Variants in PPP2R1B observed in about 807,000 individuals in gnomAD.
PPP2R1B encodes the protein protein phosphatase 2 scaffold subunit Abeta, also known as serine/threonine-protein phosphatase 2A 65 kDa regulatory subunit A beta isoform.
In PPP2R1B, 58 loss-of-function variants were observed where a neutral mutation model predicts 72.7. The ratio of observed to expected loss-of-function variants is 0.80; its 90% confidence interval spans 0.65 to 0.99. The LOEUF (loss-of-function observed/expected upper bound fraction) is 0.99. Among genes scored for constraint, PPP2R1B ranks in the 50% least tolerant of loss-of-function variants. PPP2R1B has a pLI of 0.00. For synonymous variants in PPP2R1B, 256 were observed against 264.6 expected (o/e 0.97, Z 0.32); for missense variants, 695 against 733.6 (o/e 0.95, Z 0.61).
At chr11:111,759,702 A>C in intron 5 of PPP2R1B, 102 bp downstream of exon 5, 1 of 1,319,672 alleles carries the variant, frequency 7.6e-7, no homozygotes, top group Non-Finnish European at 1.0e-6. Flanking sequence ...CTAATTCTGT[A>C]AAAAGAATCC....
In PPP2R1B at chr11:111,740,267, G is replaced by C. The variant is rs1944474245; in HGVS notation, c.*1329C>G. The C allele has an allele frequency of 1.3e-5, 13 of 963,660 alleles. 1 individual carries two copies. The South Asian group carries it at 2.9e-4, about 21-fold the overall frequency. 59.7% of individuals were successfully genotyped at this position (963,660 alleles called of 1,614,324 possible). On this transcript the variant is annotated 3_prime_UTR_variant, in exon 15 of 15. Coordinates refer to ENST00000527614, the MANE Select transcript of PPP2R1B (RefSeq NM_002716.5). ...GACTCTCGCTCTATGGCCCAGGCTA[G>C]AGTGCAGTGGCGCGATCTCGGCTCA... is the stretch of plus-strand genomic sequence containing the variant.
intron 9 of PPP2R1B, 111 bp downstream of exon 9, chr11:111,753,332 G>A (rs1944981317): frequency 7.2e-7 from 1 of 1,386,812 alleles, no homozygotes; most frequent in East Asian, 2.4e-5. Flanking sequence ...AATAAGTTAT[G>A]ATTTTTTTAT....
chr11:111,750,633 G>A (rs1555047568), intron 10 of PPP2R1B, among the ~76,000 whole-genome samples: 1 of 152,088 alleles, frequency 6.6e-6, no homozygotes, highest in Non-Finnish European at 1.5e-5. Flanking sequence ...TACCAACAGA[G>A]ATGAAGGTAC....
chr11:111,688,972 A>T, the PPP2R1B span, among the ~76,000 whole-genome samples: 3 of 152,242 alleles, frequency 2.0e-5, no homozygotes, highest in Non-Finnish European at 4.4e-5. This position sits in a 1 kb window ranked among gnomAD's most constrained non-coding sequence, Gnocchi z 4.2. Context: ...AGTATAGGTG[A>T]GGGAACAAGC....
chr11:111,697,539 G>A, the PPP2R1B span, among the ~76,000 whole-genome samples: 1 of 152,196 alleles, frequency 6.6e-6, no homozygotes, highest in Non-Finnish European at 1.5e-5. Flanking sequence ...ACTACTTCAT[G>A]AAATGTAAGT....
Position 111,755,080 on chromosome 11 carries a change from C to G in PPP2R1B, c.858G>C (p.Met286Ile). ...GGTCATTTAGGGTGATTTTAGGACC[C>G]ATGGCTTTCTGGAGCTATAAAAGAA... ...ADRFSELQKAMGPKITLNDLI... is the reference protein window; with the variant it reads ...ADRFSELQKAIGPKITLNDLI... Residue 286 changes from methionine (M) to isoleucine (I), a missense_variant, in exon 7 of 15, where the codon ATG becomes ATC. Physicochemically the swap from Met to Ile is conservative, Grantham distance 10. Transcript: ENST00000527614. 1.9e-6 allele frequency: 3 copies of G among 1,611,384 alleles called. No individual in the cohort carries two copies. The highest frequency in any genetic ancestry group is 1.1e-5 in the South Asian group (1 of 90,940).
the PPP2R1B span, chr11:111,721,782 T>G: frequency 6.7e-7 from 1 of 1,482,878 alleles, no homozygotes; most frequent in Middle Eastern, 1.8e-4. Flanking sequence ...ACTGAGACGT[T>G]TTTCCCCATG....
chr11:111,752,478 A>G (rs980641275), intron 9 of PPP2R1B, 146 bp from the exon 10 acceptor site: 3 of 759,156 alleles, frequency 4.0e-6, no homozygotes, highest in Non-Finnish European at 4.0e-6. Flanking sequence ...GAATACATAA[A>G]TAACTCAAGG....
At position 111,753,538 on chromosome 11, in the gene PPP2R1B, G is replaced by A. The variant is rs1184809176; in HGVS notation, c.1069C>T (p.Leu357=). ...SDTNQHVKSA[L]ASVIMGLSTI... is the part of the protein sequence containing the mutation. ...GACAATCCCATAATTACAGAAGCTA[G>A]AGCCGATTTGACATGTTGATTGGTA... is the stretch of plus-strand genomic sequence containing the variant. The change falls in exon 9 of 15, where the codon CTA becomes TTA. Residue 357 remains leucine (L), a synonymous_variant. Coordinates refer to ENST00000527614, the MANE Select transcript of PPP2R1B (RefSeq NM_002716.5). 5 of 1,612,630 alleles carry A rather than the reference G, an allele frequency of 3.1e-6. No homozygotes were observed. Among genetic ancestry groups the A allele is most frequent in the Admixed American group, 1.7e-5 (1 of 59,850 alleles).
At chr11:111,742,165 C>T (rs377072664) in intron 13 of PPP2R1B, 21 bp from the exon 14 acceptor site, 1 of 1,576,036 alleles carries the variant, frequency 6.3e-7, no homozygotes, top group Non-Finnish European at 8.7e-7. Flanking sequence ...AAAGTATTAT[C>T]TGTGAAAGAC....
rs915974231 is a variant in PPP2R1B at position 111,738,523 on chromosome 11, A to T, written c.*3073T>A. 2.1e-5 allele frequency: 21 copies of T among 985,344 alleles called. No homozygotes were observed. The highest frequency in any genetic ancestry group is 6.2e-5 in the Admixed American group (1 of 16,260). 61.0% of individuals were successfully genotyped at this position (985,344 alleles called of 1,614,324 possible). On this transcript the variant is annotated 3_prime_UTR_variant, in exon 15 of 15. Transcript: ENST00000527614. ...GCTTCCCTGGAAGTCTACGCAAGCA[A>T]CCTGAATGCCTGGACAAGCCAGCTC... is the stretch of plus-strand genomic sequence containing the variant.
At chr11:111,703,359 A>G in the PPP2R1B span, 2 of 1,613,972 alleles carry the variant, frequency 1.2e-6, no homozygotes, top group Non-Finnish European at 1.7e-6. Context: ...TCCATCGGGG[A>G]GTTTAATGAG....
At chr11:111,703,480 C>A in the PPP2R1B span, 1 of 1,488,004 alleles carries the variant, frequency 6.7e-7, no homozygotes, top group Non-Finnish European at 9.3e-7. Flanking sequence ...AAATTTCATG[C>A]TCACACCTGT....
chr11:111,717,909 G>A, the PPP2R1B span, among the ~76,000 whole-genome samples: 1 of 152,042 alleles, frequency 6.6e-6, no homozygotes, highest in Non-Finnish European at 1.5e-5. Context: ...CACACACTGG[G>A]GCCTGTTAGG....
At chr11:111,720,806 G>T in the PPP2R1B span, 1 of 1,571,706 alleles carries the variant, frequency 6.4e-7, no homozygotes, top group South Asian at 1.2e-5. Context: ...CGTCGTAGGA[G>T]AGCAGTTTCT....
the PPP2R1B span, among the ~76,000 whole-genome samples, chr11:111,698,462 G>C: frequency 0.026 from 4,005 of 152,162 alleles, 84 homozygotes; most frequent in Middle Eastern, 0.051. Context: ...CTTACCAATG[G>C]GCCAGGTGGT....
intron 15 of PPP2R1B, among the ~76,000 whole-genome samples, chr11:111,732,319 A>G (rs1944218739): frequency 6.6e-6 from 1 of 152,184 alleles, no homozygotes; most frequent in Non-Finnish European, 1.5e-5. Flanking sequence ...TCAGGACAGG[A>G]GTTGGTTCCT....
Position 111,754,997 on chromosome 11 carries a change from G to A in PPP2R1B, c.941C>T (p.Ala314Val), listed in dbSNP as rs1766677753. ...TCCTTAACCTTTTACTTTGTGGGCA[G>A]CAGCTGCCCGGACTTCAGCTTCACA... ...KDCEAEVRAAAAHKVKELGEN... is the reference protein window; with the variant it reads ...KDCEAEVRAAVAHKVKELGEN... The change falls in exon 7 of 15, where the codon GCT becomes GTT. Residue 314 changes from alanine (A) to valine (V), a missense_variant. By Grantham distance (64) the Ala-to-Val change is moderately conservative (BLOSUM62 0). Transcript: ENST00000527614. 1.2e-6 allele frequency: 2 copies of A among 1,612,266 alleles called. No homozygotes were observed. The highest frequency in any genetic ancestry group is 1.1e-5 in the South Asian group (1 of 90,980).
downstream of PPP2R1B, chr11:111,722,650 T>C (rs761133659): frequency 6.2e-7 from 1 of 1,611,982 alleles, no homozygotes; most frequent in Admixed American, 1.7e-5. This position sits in a 1 kb window ranked among gnomAD's most constrained non-coding sequence, Gnocchi z 4.4. Context: ...TCATGTTGTT[T>C]TTCTGCTCTT....
Sources: allele counts gnomAD v4.1 joint callset (sites outside exome capture counted in the v4.1 genomes callset), GRCh38; gene constraint gnomAD v4.1.1; non-coding constraint Gnocchi (gnomAD v3.1); transcripts MANE v1.5; gene names NCBI Gene and HGNC (gene_info 2026-07-23, HGNC 2026-07-21).